The following OTOGL variants were observed in gnomAD, a reference collection of about 807,000 sequenced individuals.
OTOGL encodes the protein otogelin-like protein.
A neutral mutation model predicts 318.5 loss-of-function variants in OTOGL; 285 were observed. The ratio of observed to expected loss-of-function variants is 0.89; its 90% confidence interval spans 0.81 to 0.99. The LOEUF is 0.99. Among genes scored for constraint, OTOGL ranks in the 50% least tolerant of loss-of-function variants. OTOGL has a pLI of 0.00. For missense variants in OTOGL, 2,899 were observed against 2,845.6 expected, an observed-to-expected ratio of 1.02 and a Z score of -0.43; for synonymous variants, 987 against 936.5, an observed-to-expected ratio of 1.05 and a Z score of -0.99.
chr12:80,217,617 G>C lies in OTOGL; in HGVS notation c.188G>C (p.Arg63Thr). The change falls in exon 5 of 59, where the codon AGA (arginine) becomes ACA (threonine). Residue 63 changes from arginine to threonine, a missense_variant. Transcript: ENST00000547103. The part of the protein sequence containing the change: ...LAAQFEATSP[R>T]YFFHDAINWG... ...TCAAAGTTTGAAGCTACTTCTCCGA[G>C]ATACTTTTTCCATGATGCTATTAAT... The C allele has an allele frequency of 6.4e-7, 1 of 1,550,612 alleles. No homozygotes were observed. Among genetic ancestry groups the C allele is most frequent in the East Asian group, 2.3e-5 (1 of 44,076 alleles).
At chr12:80,324,785 T>A (rs1887572521) in intron 35 of OTOGL, among the ~76,000 whole-genome samples, 1 of 152,196 alleles carries the variant, frequency 6.6e-6, no homozygotes, top group Non-Finnish European at 1.5e-5. Flanking sequence ...TCAGCAGTTA[T>A]TAGGTGAAAT....
intron 26 of OTOGL, 42 bp from the exon 27 acceptor site, chr12:80,296,785 G>T: frequency 7.7e-7 from 1 of 1,294,134 alleles, no homozygotes; most frequent in Non-Finnish European, 1.0e-6. Flanking sequence ...AATAATATAG[G>T]TTGTATATAT....
intron 43 of OTOGL, among the ~76,000 whole-genome samples, chr12:80,340,937 T>TG (rs1188373688): frequency 9.1e-3 from 4 of 440 alleles, no homozygotes; most frequent in Non-Finnish European, 0.061. Context: ...TCCACTTAGG[T>TG]TTTTTTTTTT....
chr12:80,148,568 T>C (rs1405809529), intron 1 of OTOGL, among the ~76,000 whole-genome samples: 3 of 151,784 alleles, frequency 2.0e-5, no homozygotes, highest in Non-Finnish European at 4.4e-5. Context: ...CTTTGTGGTG[T>C]TCTCTGTATT....
At chr12:80,241,388 A>G (rs1880364538) in intron 11 of OTOGL, among the ~76,000 whole-genome samples, 1 of 152,078 alleles carries the variant, frequency 6.6e-6, no homozygotes, top group African/African-American at 2.4e-5. Context: ...ACCTTACTAT[A>G]TATTTTTTAA....
intron 6 of OTOGL, 31 bp from the exon 7 acceptor site, chr12:80,222,060 G>T (rs1271047755): frequency 1.3e-6 from 2 of 1,565,702 alleles, no homozygotes; most frequent in East Asian, 2.2e-5. Context: ...AATTTATTTT[G>T]CCTACAAAAT....
chr12:80,113,894 T>G (rs1174318197), intron 1 of OTOGL, among the ~76,000 whole-genome samples: 1 of 152,178 alleles, frequency 6.6e-6, no homozygotes, highest in Non-Finnish European at 1.5e-5. Flanking sequence ...TTTTTTCATC[T>G]TTTTTGGTTT....
At chr12:80,278,752 CCT>C (rs1883994865) in intron 25 of OTOGL, among the ~76,000 whole-genome samples, 1 of 151,520 alleles carries the variant, frequency 6.6e-6, no homozygotes, top group Non-Finnish European at 1.5e-5. Flanking sequence ...TACCAGCAGA[CCT>C]GTGTTCAGTT....
chr12:80,271,540 C>T (rs1883406483), intron 23 of OTOGL, 108 bp from the exon 24 acceptor site: 4 of 1,108,278 alleles, frequency 3.6e-6, no homozygotes, highest in Middle Eastern at 2.3e-4. Context: ...CTAACATTCT[C>T]AAACTCAAAA....
intron 26 of OTOGL, among the ~76,000 whole-genome samples, chr12:80,293,641 T>C (rs1254617261): frequency 2.0e-5 from 3 of 152,118 alleles, no homozygotes; most frequent in Non-Finnish European, 4.4e-5. Flanking sequence ...TCATTTCTAC[T>C]TCCTCATATG....
At chr12:80,130,282 G>C (rs537059155) in intron 1 of OTOGL, among the ~76,000 whole-genome samples, 4 of 152,116 alleles carry the variant, frequency 2.6e-5, no homozygotes, top group Non-Finnish European at 5.9e-5. Context: ...AAATTAGACA[G>C]ACAAATTGTT....
chr12:80,144,150 C>A lies in OTOGL; in HGVS notation c.-20+44545C>A, dbSNP rs192611541. On this transcript the variant is annotated intron_variant, in intron 1 of 58. Coordinates refer to ENST00000547103, the MANE Select transcript of OTOGL (RefSeq NM_001378609.3). ...AAACATGTGCCACGCTGGTGCGCTGCACCCACTAACTCGTCATCTAGCATT... is the reference window on the plus strand; with the variant it reads ...AAACATGTGCCACGCTGGTGCGCTGAACCCACTAACTCGTCATCTAGCATT... Among the ~76,000 whole-genome samples the A allele has an allele frequency of 3.5e-3, 535 of 152,016 alleles. 2 individuals are homozygous for A. The highest frequency in any genetic ancestry group is 4.5e-3 in the Non-Finnish European group (307 of 67,992).
intron 1 of OTOGL, among the ~76,000 whole-genome samples, chr12:80,141,077 T>C (rs2137140855): frequency 6.6e-6 from 1 of 152,288 alleles, no homozygotes; most frequent in Non-Finnish European, 1.5e-5. Flanking sequence ...CAGGTGTTTA[T>C]TGAAGCATGG....
intron 44 of OTOGL, among the ~76,000 whole-genome samples, chr12:80,348,877 A>T (rs977729920): frequency 2.0e-5 from 3 of 152,058 alleles, no homozygotes; most frequent in Non-Finnish European, 4.4e-5. Flanking sequence ...CCTTTTTAGC[A>T]TGGTGGCTTC....
chr12:80,356,462 T>C lies in OTOGL; in HGVS notation c.5853T>C (p.Asn1951=), dbSNP rs1443965082. The change falls in exon 48 of 59, where the codon AAT becomes AAC. Residue 1951 remains asparagine (N), a synonymous_variant. Transcript: ENST00000547103. ...LCETSIPTCT[N]SQKLIVGHSP... ...AAACTAGCATTCCAACATGTACAAA[T>C]AGTCAAAAATTGATTGTTGGCCACA... 6.2e-7 allele frequency: 1 copy of C among 1,612,408 alleles called. No individual in the cohort carries two copies. The highest frequency in any genetic ancestry group is 8.5e-7 in the Non-Finnish European group (1 of 1,179,196).
chr12:80,335,075 G>A (rs1398099237), intron 38 of OTOGL, among the ~76,000 whole-genome samples: 2 of 152,038 alleles, frequency 1.3e-5, no homozygotes, highest in Non-Finnish European at 2.9e-5. Context: ...AAGATTTAGG[G>A]AGAAACAAAT....
chr12:80,168,712 A>G (rs752828667), intron 1 of OTOGL, among the ~76,000 whole-genome samples: 2 of 152,190 alleles, frequency 1.3e-5, no homozygotes, highest in Non-Finnish European at 2.9e-5. Context: ...TGTTTTCCTA[A>G]TAGGGCATCT....
chr12:80,250,203 A>T (rs1037709995), intron 11 of OTOGL, among the ~76,000 whole-genome samples: 5 of 152,246 alleles, frequency 3.3e-5, no homozygotes, highest in South Asian at 4.2e-4. Flanking sequence ...GAAAACCAAG[A>T]TTCTTTAATA....
chr12:80,273,704 A>G (rs770037634), intron 24 of OTOGL, among the ~76,000 whole-genome samples: 4 of 151,968 alleles, frequency 2.6e-5, no homozygotes, highest in Non-Finnish European at 5.9e-5. Flanking sequence ...GTTTTGCTTT[A>G]TTGCACTTCA....
Sources: allele counts gnomAD v4.1 joint callset (sites outside exome capture counted in the v4.1 genomes callset), GRCh38; gene constraint gnomAD v4.1.1; transcripts MANE v1.5; gene names NCBI Gene and HGNC (gene_info 2026-07-23, HGNC 2026-07-21).